Variants in STK32A observed in about 807,000 individuals in gnomAD.
STK32A encodes the protein serine/threonine-protein kinase 32A.
STK32A carries 41 observed loss-of-function variants against 53.2 expected under a neutral mutation model. The ratio of observed to expected loss-of-function variants is 0.77; its 90% CI spans 0.60 to 1.00. STK32A has a LOEUF of 1.00. Among genes scored for constraint, STK32A ranks in the 50% least tolerant of loss-of-function variants. The pLI is 0.00. For synonymous variants in STK32A, 166 were observed against 162.8 expected (o/e 1.02, Z -0.15); for missense variants, 458 against 485.8 (o/e 0.94, Z 0.54).
rs1290589747 is a variant in STK32A at position 147,386,492 on chromosome 5, G to A, written c.*2509G>A. The A allele has an allele frequency of 2.0e-5, 3 of 152,190 alleles. No homozygotes were observed. The highest frequency in any genetic ancestry group is 7.2e-5 in the African/African-American group (3 of 41,432). The allele number at this position is 152,190 out of a possible 1,614,324, so 9.4% of individuals were successfully genotyped here. On this transcript the variant is annotated 3_prime_UTR_variant, in exon 13 of 13. Transcript: ENST00000397936. ...TTTTTCTGTAATTACACTTACCAAA[G>A]AGCCATGGAACCATTAGGATCTCCA... is the stretch of plus-strand genomic sequence containing the variant.
At chr5:147,285,458 C>A (rs1313366202) in intron 4 of STK32A, among the ~76,000 whole-genome samples, 1 of 152,038 alleles carries the variant, frequency 6.6e-6, no homozygotes, top group Non-Finnish European at 1.5e-5. Flanking sequence ...TTGCTGGTAC[C>A]TAATTAAACT....
chr5:147,382,488 T>C (rs73262285), intron 11 of STK32A, among the ~76,000 whole-genome samples: 3,039 of 152,262 alleles, frequency 0.02, 107 homozygotes, highest in African/African-American at 0.069. Flanking sequence ...TACTTCTCTA[T>C]TTCCTGGCAT....
chr5:147,326,384 T>C (rs1338816935), intron 5 of STK32A, among the ~76,000 whole-genome samples: 1 of 152,172 alleles, frequency 6.6e-6, no homozygotes, highest in African/African-American at 2.4e-5. Context: ...CAGTGTTAAA[T>C]TGAGGTGACA....
intron 5 of STK32A, among the ~76,000 whole-genome samples, chr5:147,337,409 T>A (rs1216299902): frequency 6.6e-6 from 1 of 152,202 alleles, no homozygotes; most frequent in Non-Finnish European, 1.5e-5. Flanking sequence ...AGTTTCTTAG[T>A]TGGCCAATGG....
intron 2 of STK32A, among the ~76,000 whole-genome samples, chr5:147,272,158 G>A (rs1335471743): frequency 6.6e-6 from 1 of 152,058 alleles, no homozygotes; most frequent in Non-Finnish European, 1.5e-5. Flanking sequence ...TGACTATCAG[G>A]GGCAGGTTCC....
intron 3 of STK32A, 69 bp from the exon 4 acceptor site, chr5:147,279,178 T>C: frequency 6.8e-7 from 1 of 1,465,220 alleles, no homozygotes; most frequent in African/African-American, 1.4e-5. Context: ...GAACATGTCT[T>C]GTTCTGTCTC....
chr5:147,397,871 C>T, the STK32A span: 2 of 1,514,114 alleles, frequency 1.3e-6, no homozygotes, highest in Non-Finnish European at 1.8e-6. Context: ...AGAAGCAAAG[C>T]CACAGTAAGG....
At chr5:147,326,414 T>G (rs566753494) in intron 5 of STK32A, among the ~76,000 whole-genome samples, 1 of 152,286 alleles carries the variant, frequency 6.6e-6, no homozygotes, top group Non-Finnish European at 1.5e-5. Flanking sequence ...TGTCAAAAAC[T>G]ATTCAGGTGC....
At chr5:147,400,484 C>A in the STK32A span, among the ~76,000 whole-genome samples, 1 of 152,244 alleles carries the variant, frequency 6.6e-6, no homozygotes, top group African/African-American at 2.4e-5. Context: ...GATAAGGAAG[C>A]CTCCTTCAGA....
chr5:147,354,602 T>C (rs1756134089), intron 7 of STK32A, among the ~76,000 whole-genome samples: 1 of 152,236 alleles, frequency 6.6e-6, no homozygotes, highest in Non-Finnish European at 1.5e-5. Flanking sequence ...AGGTGTTAAA[T>C]GTTTTACATT....
intron 4 of STK32A, among the ~76,000 whole-genome samples, chr5:147,299,231 A>G (rs1468084207): frequency 6.6e-6 from 1 of 152,060 alleles, no homozygotes; most frequent in East Asian, 1.9e-4. Flanking sequence ...TTTAGATCAT[A>G]TAGGGTAACT....
At chr5:147,375,411 T>G in intron 11 of STK32A, 193 bp downstream of exon 11, 1 of 538,600 alleles carries the variant, frequency 1.9e-6, no homozygotes, top group East Asian at 3.4e-5. Context: ...ACATTTTACT[T>G]GTAGGCTTTC....
intron 2 of STK32A, among the ~76,000 whole-genome samples, chr5:147,261,040 T>C (rs569635849): frequency 6.6e-6 from 1 of 152,272 alleles, no homozygotes; most frequent in East Asian, 1.9e-4. Context: ...CTTTCTTTTT[T>C]TCCCGCCTTG....
chr5:147,400,947 T>G, the STK32A span: 32 of 1,361,062 alleles, frequency 2.4e-5, no homozygotes, highest in African/African-American at 3.9e-4. Flanking sequence ...GGGTTTGGAA[T>G]GCCTCCTCTA....
rs529334297 is a variant in STK32A at position 147,240,665 on chromosome 5, A to G, written c.52+979A>G. On this transcript the variant is annotated intron_variant, in intron 2 of 12. Coordinates refer to ENST00000397936, the MANE Select transcript of STK32A (RefSeq NM_001112724.2). ...TTCTGAAGAAGCTTCTAAATCATCA[A>G]GGAAAGTTTATTGGGTTAGAATGCA... Among the ~76,000 whole-genome samples, 7 of 152,374 alleles carry G rather than the reference A, an allele frequency of 4.6e-5. No individual in the cohort carries two copies. In the East Asian group the frequency reaches 1.4e-3, roughly 29 times the overall value.
At chr5:147,329,829 A>G (rs1342498459) in intron 5 of STK32A, among the ~76,000 whole-genome samples, 8 of 152,242 alleles carry the variant, frequency 5.3e-5, no homozygotes. Context: ...CACTGGATCT[A>G]AACTAGAGTG....
At chr5:147,246,510 C>T (rs988765491) in intron 2 of STK32A, among the ~76,000 whole-genome samples, 2 of 152,242 alleles carry the variant, frequency 1.3e-5, no homozygotes, top group East Asian at 3.9e-4. Context: ...CAGTCTTCTG[C>T]TATTTTTAAT....
intron 2 of STK32A, among the ~76,000 whole-genome samples, chr5:147,240,938 GC>G (rs1342490672): frequency 6.6e-6 from 1 of 152,114 alleles, no homozygotes; most frequent in Admixed American, 6.5e-5. Flanking sequence ...GAGAGGTTAT[GC>G]CCACTTATTT....
intron 2 of STK32A, among the ~76,000 whole-genome samples, chr5:147,260,108 C>G (rs1754450324): frequency 7.4e-6 from 1 of 134,772 alleles, no homozygotes; most frequent in Non-Finnish European, 1.6e-5. Flanking sequence ...TCTCTGTCTC[C>G]TCTCTGTCCC....
Sources: gnomAD v4.1 joint callset for allele counts (sites outside exome capture counted in the v4.1 genomes callset) on GRCh38, gnomAD v4.1.1 for gene constraint, MANE v1.5 for transcripts, NCBI Gene and HGNC (gene_info 2026-07-23, HGNC 2026-07-21) for gene names.